BCAP29: variants seen among roughly 807,000 people sequenced by gnomAD.
The protein encoded by BCAP29 is B cell receptor associated protein 29.
Under a neutral mutation model 31.8 loss-of-function variants are expected in BCAP29, and 34 were observed. The ratio of observed to expected loss-of-function variants is 1.07; its 90% CI spans 0.81 to 1.42. The LOEUF is 1.42. Among genes scored for constraint, BCAP29 ranks in the 40% most tolerant of loss-of-function variants. The probability of loss-of-function intolerance (pLI) is 0.00; values close to 1 mark genes in which losing one functional copy is unlikely to be tolerated. For synonymous variants in BCAP29, 104 were observed against 91.3 expected (o/e 1.14, Z -0.79); for missense variants, 314 against 269.2 (o/e 1.17, Z -1.16).
intron 6 of BCAP29, among the ~76,000 whole-genome samples, chr7:107,609,378 T>C (rs538261973): frequency 2.2e-4 from 34 of 152,256 alleles, no homozygotes; most frequent in African/African-American, 7.9e-4. Context: ...GACAGCATTA[T>C]AGACAATGGA....
At chr7:107,605,767 G>A (rs571121757) in intron 6 of BCAP29, among the ~76,000 whole-genome samples, 31 of 152,294 alleles carry the variant, frequency 2.0e-4, no homozygotes, top group Admixed American at 5.9e-4. Flanking sequence ...AGATATGCAT[G>A]TTTACTACAA....
At chr7:107,584,055 A>G in intron 3 of BCAP29, 73 bp downstream of exon 3, 1 of 839,994 alleles carries the variant, frequency 1.2e-6, no homozygotes, top group Middle Eastern at 3.5e-4. Flanking sequence ...AATAGAGTTG[A>G]TGTTACAATT....
At position 107,606,402 on chromosome 7, in the gene BCAP29, C is replaced by T. The variant is rs2129274078; in HGVS notation, c.589+5897C>T. On this transcript the variant is annotated intron_variant, in intron 6 of 7. Coordinates refer to ENST00000005259, the MANE Select transcript of BCAP29 (RefSeq NM_018844.4). ...GACCCTTCAAATTATATTTATTTTT[C>T]ATGAGAAAAATCTTTTCACAGTAAC... Among the ~76,000 whole-genome samples the T allele has an allele frequency of 1.3e-5, 2 of 152,276 alleles. 1 individual carries two copies. The highest frequency in any genetic ancestry group is 1.3e-4 in the Admixed American group (2 of 15,290).
At chr7:107,600,254 G>A in intron 5 of BCAP29, 143 bp from the exon 6 acceptor site, 1 of 681,368 alleles carries the variant, frequency 1.5e-6, no homozygotes, top group Non-Finnish European at 2.6e-6. Context: ...AAAGTACATT[G>A]TAGAAAACTA....
In BCAP29 at chr7:107,610,326, G is replaced by T. The variant is rs189377426; in HGVS notation, c.590-3006G>T. On this transcript the variant is annotated intron_variant, in intron 6 of 7. Coordinates refer to ENST00000005259, the MANE Select transcript of BCAP29 (RefSeq NM_018844.4). ...GCCCGTTTTTGCAGTTAAGAAAATT[G>T]CAGTAGCAACTTAGATGTATCATCT... Among the ~76,000 whole-genome samples, 34 of 152,284 alleles carry T rather than the reference G, an allele frequency of 2.2e-4. 1 individual carries two copies. In the East Asian group the frequency reaches 4.1e-3, roughly 18 times the overall value.
At chr7:107,623,042 TC>T (rs1815102956), downstream of BCAP29, 1 of 152,294 alleles carries the variant, frequency 6.6e-6, no homozygotes, top group African/African-American at 2.4e-5. Flanking sequence ...TTCTTTTTTT[TC>T]TTCCTCTGTC....
At chr7:107,622,812 C>T (rs140873571), downstream of BCAP29, 1 of 152,374 alleles carries the variant, frequency 6.6e-6, no homozygotes, top group East Asian at 1.9e-4. Flanking sequence ...AAAGAATGAT[C>T]TCTCACTCAG....
At position 107,618,651 on chromosome 7, in the gene BCAP29, A is replaced by G; in HGVS notation, c.*288A>G. On this transcript the variant is annotated 3_prime_UTR_variant, in exon 8 of 8. Transcript: ENST00000005259. Reference sequence around the variant, plus strand: ...GGCTGTTTACCAATAAAAGGAAAAAATTCATTAACCGGTTGCTTCCAAAAT... The same window carrying G: ...GGCTGTTTACCAATAAAAGGAAAAAGTTCATTAACCGGTTGCTTCCAAAAT... 7.1e-7 allele frequency: 1 copy of G among 1,403,882 alleles called. No individual in the cohort carries two copies. The highest frequency in any genetic ancestry group is 2.3e-5 in the East Asian group (1 of 43,296). The allele number at this position is 1,403,882 out of a possible 1,614,324, so 87.0% of individuals were successfully genotyped here. A position where few individuals can be genotyped will look rare whatever the true frequency, so the allele number is the denominator to read the frequency against.
At chr7:107,594,779 G>A (rs1471918921) in intron 4 of BCAP29, among the ~76,000 whole-genome samples, 5 of 152,182 alleles carry the variant, frequency 3.3e-5, no homozygotes, top group Non-Finnish European at 7.3e-5. Flanking sequence ...TGGGATTACA[G>A]ATGTGAGCCA....
intron 6 of BCAP29, among the ~76,000 whole-genome samples, chr7:107,601,538 A>G (rs1287772409): frequency 1.3e-5 from 2 of 152,216 alleles, no homozygotes; most frequent in Admixed American, 6.5e-5. Flanking sequence ...ACAAAGTGGT[A>G]TATTATGTAG....
Position 107,584,465 on chromosome 7 carries a change from T to C in BCAP29, c.193+483T>C, listed in dbSNP as rs546799736. Among the ~76,000 whole-genome samples, 21 of 152,288 alleles carry C rather than the reference T, an allele frequency of 1.4e-4. No homozygotes were observed. The South Asian group carries it at 4.1e-3, about 30-fold the overall frequency. On this transcript the variant is annotated intron_variant, in intron 3 of 7. Coordinates refer to ENST00000005259, the MANE Select transcript of BCAP29 (RefSeq NM_018844.4). ...GGCTCAGGCCTGTAATCCTAGCACT[T>C]TGGGAGGCCAAGGCGGGAGGATTGC...
At chr7:107,592,895 A>T (rs1306156970) in intron 3 of BCAP29, among the ~76,000 whole-genome samples, 1 of 152,260 alleles carries the variant, frequency 6.6e-6, no homozygotes, top group African/African-American at 2.4e-5. Context: ...CTGTAGAGAC[A>T]GAAAGCAGAT....
chr7:107,587,406 T>G (rs917165128), intron 3 of BCAP29: 1 of 152,246 alleles, frequency 6.6e-6, no homozygotes, highest in Non-Finnish European at 1.5e-5. Flanking sequence ...TTGGTTAATC[T>G]TCAGCTTTTC....
chr7:107,581,616 T>C (rs1334219777), intron 2 of BCAP29, among the ~76,000 whole-genome samples: 1 of 152,200 alleles, frequency 6.6e-6, no homozygotes, highest in Non-Finnish European at 1.5e-5. Flanking sequence ...TGCAAGATAT[T>C]TGTTCATACT....
At chr7:107,613,288 G>T in intron 6 of BCAP29, 44 bp from the exon 7 acceptor site, 1 of 1,446,244 alleles carries the variant, frequency 6.9e-7, no homozygotes, top group South Asian at 1.2e-5. Context: ...CTATAAATTT[G>T]AAATTATTCT....
At chr7:107,587,824 A>C (rs1173124878) in intron 3 of BCAP29, 1 of 150,998 alleles carries the variant, frequency 6.6e-6, no homozygotes, top group Non-Finnish European at 1.5e-5. Flanking sequence ...CCCCTATTTG[A>C]AAAAAAAAGC....
intron 3 of BCAP29, among the ~76,000 whole-genome samples, chr7:107,591,656 A>ACACACACACACACACACCC: frequency 7.3e-6 from 1 of 136,076 alleles, no homozygotes; most frequent in East Asian, 2.2e-4. Context: ...ACACACACAC[A>ACACACACACACACACACCC]CCCTATTGGT....
chr7:107,583,530 A>G (rs1390039038), intron 2 of BCAP29, among the ~76,000 whole-genome samples: 1 of 152,146 alleles, frequency 6.6e-6, no homozygotes, highest in Non-Finnish European at 1.5e-5. Context: ...CTTTATTTCT[A>G]AGTCATTTCT....
At chr7:107,615,402 C>T (rs1228817164) in intron 7 of BCAP29, 1 of 444,390 alleles carries the variant, frequency 2.3e-6, no homozygotes, top group Non-Finnish European at 4.5e-6. Context: ...CAAGACCATC[C>T]TGGCTAACAA....
Sources: gnomAD v4.1 joint callset for allele counts (sites outside exome capture counted in the v4.1 genomes callset) on GRCh38, gnomAD v4.1.1 for gene constraint, MANE v1.5 for transcripts, NCBI Gene and HGNC (gene_info 2026-07-23, HGNC 2026-07-21) for gene names.